Variants in DZIP3 observed in about 807,000 individuals in gnomAD.
DZIP3 encodes the protein DAZ interacting zinc finger protein 3.
Under a neutral mutation model 162.0 loss-of-function variants are expected in DZIP3, and 118 were observed. The ratio of observed to expected loss-of-function variants is 0.73; its 90% CI spans 0.63 to 0.85. The LOEUF (loss-of-function observed/expected upper bound fraction) is 0.85. Among genes scored for constraint, DZIP3 ranks in the 40% least tolerant of loss-of-function variants. The pLI, the probability that DZIP3 is intolerant of heterozygous loss-of-function variation, is 0.00. For missense variants in DZIP3, 1,331 were observed against 1,407.0 expected (o/e 0.95, Z 0.86); for synonymous variants, 438 against 458.6 (o/e 0.96, Z 0.57).
chr3:108,637,114 T>G (rs2107619030), intron 11 of DZIP3, among the ~76,000 whole-genome samples: 1 of 152,160 alleles, frequency 6.6e-6, no homozygotes, highest in East Asian at 1.9e-4. Context: ...ACCTGTTACA[T>G]AAAATGCACT....
At chr3:108,622,542 C>T (rs1941401464) in intron 5 of DZIP3, among the ~76,000 whole-genome samples, 2 of 152,106 alleles carry the variant, frequency 1.3e-5, no homozygotes, top group Non-Finnish European at 2.9e-5. Flanking sequence ...CCATCGATGT[C>T]TGGGCATTGG....
rs140068430 is a variant in DZIP3 at position 108,684,301 on chromosome 3, C to G, written c.2969C>G (p.Pro990Arg). Residue 990 changes from proline (P) to arginine (R), a missense_variant, in exon 27 of 33, where the codon CCG (proline) becomes CGG (arginine). Physicochemically the swap from Pro to Arg is moderately radical, Grantham distance 103. Coordinates refer to ENST00000361582, the MANE Select transcript of DZIP3 (RefSeq NM_014648.4). ...GTTCCTCAAATGCCTGCAGTTTGCC[C>G]GGGAGTCGTCTCTGCAACTGGCCAA... ...LTVPQMPAVC[P>R]GVVSATGQPR... 4 of 1,613,026 alleles carry G rather than the reference C, an allele frequency of 2.5e-6. No individual in the cohort carries two copies. Among genetic ancestry groups the G allele is most frequent in the South Asian group, 2.2e-5 (2 of 90,982 alleles).
chr3:108,605,235 A>T (rs1275873454), intron 1 of DZIP3, 100 bp from the exon 2 acceptor site: 9 of 825,512 alleles, frequency 1.1e-5, no homozygotes, highest in African/African-American at 1.8e-5. Context: ...CTTCTTTTAG[A>T]GCAGTTTCAG....
intron 22 of DZIP3, among the ~76,000 whole-genome samples, chr3:108,670,408 A>T (rs1943884474): frequency 6.6e-6 from 1 of 151,884 alleles, no homozygotes; most frequent in Non-Finnish European, 1.5e-5. Flanking sequence ...GCCTCTTGTG[A>T]GTAACATTTT....
In DZIP3 at chr3:108,605,318, TA is replaced by T; in HGVS notation, c.-72-16del. On this transcript the variant is annotated splice_polypyrimidine_tract_variant and intron_variant, in intron 1 of 32. Transcript: ENST00000361582. ...TGTAACTTTCCTATCTTCATAAAAA[TA>T]TTATTTTCCTTACAGCATTAAAGGG... The T allele has an allele frequency of 6.5e-7, 1 of 1,527,938 alleles. No individual in the cohort carries two copies. The highest frequency in any genetic ancestry group is 9.0e-7 in the Non-Finnish European group (1 of 1,114,012). The allele number at this position is 1,527,938 out of a possible 1,614,324, so 94.6% of individuals were successfully genotyped here.
At chr3:108,652,533 T>C (rs528658015) in intron 18 of DZIP3, among the ~76,000 whole-genome samples, 1 of 152,004 alleles carries the variant, frequency 6.6e-6, no homozygotes, top group Admixed American at 6.6e-5. Flanking sequence ...AAAATTCCTA[T>C]TGCCTAGTAG....
chr3:108,665,947 G>T (rs188315796), intron 21 of DZIP3, among the ~76,000 whole-genome samples: 1 of 152,086 alleles, frequency 6.6e-6, no homozygotes, highest in Non-Finnish European at 1.5e-5. Context: ...ATATCTTACC[G>T]TTAAAGTATG....
intron 12 of DZIP3, among the ~76,000 whole-genome samples, chr3:108,639,577 T>C (rs537815887): frequency 3.9e-5 from 6 of 152,278 alleles, no homozygotes; most frequent in Non-Finnish European, 7.4e-5. Context: ...CTCTTAGTAG[T>C]CATGGTTCCA....
chr3:108,650,673 A>T (rs1942822474), intron 17 of DZIP3, among the ~76,000 whole-genome samples: 1 of 151,484 alleles, frequency 6.6e-6, no homozygotes, highest in African/African-American at 2.4e-5. Context: ...TATCAGTCTG[A>T]CTTCTCCTTA....
chr3:108,655,549 A>C (rs1438278505), intron 19 of DZIP3, among the ~76,000 whole-genome samples: 1 of 152,164 alleles, frequency 6.6e-6, no homozygotes, highest in Non-Finnish European at 1.5e-5. Flanking sequence ...GAACAGCTCC[A>C]GTCTACAGCT....
chr3:108,685,996 A>G (rs1944484874), intron 27 of DZIP3, among the ~76,000 whole-genome samples: 1 of 152,138 alleles, frequency 6.6e-6, no homozygotes, highest in African/African-American at 2.4e-5. Flanking sequence ...ATACAGTTCT[A>G]TTTTTAAAAA....
chr3:108,591,107 C>G (rs902915156), intron 1 of DZIP3, among the ~76,000 whole-genome samples: 2 of 152,078 alleles, frequency 1.3e-5, no homozygotes, highest in Admixed American at 6.5e-5. Context: ...GGAAATGCTT[C>G]AAGGAGTTGA....
chr3:108,663,537 CAA>C (rs753105388), intron 21 of DZIP3, among the ~76,000 whole-genome samples: 20 of 126,888 alleles, frequency 1.6e-4, no homozygotes, highest in Non-Finnish European at 2.5e-4. Context: ...GTCTGGGGAA[CAA>C]GAGCAAAAGT....
At chr3:108,665,745 A>G (rs1243118239) in intron 21 of DZIP3, among the ~76,000 whole-genome samples, 3 of 152,182 alleles carry the variant, frequency 2.0e-5, no homozygotes, top group African/African-American at 7.2e-5. Flanking sequence ...GAGAACAGTA[A>G]TTTGAATGAC....
chr3:108,620,254 C>G (rs1257784185), intron 5 of DZIP3, among the ~76,000 whole-genome samples: 2 of 152,124 alleles, frequency 1.3e-5, no homozygotes, highest in African/African-American at 4.8e-5. Flanking sequence ...TTTTATTGGG[C>G]GTTGGTCATC....
Position 108,674,363 on chromosome 3 carries a change from CTTG to C in DZIP3, c.2693+194_2693+196del, listed in dbSNP as rs371454301. ...CCTGAAATTCCTTTTACCAGAAGCT[CTTG>C]TTGTTGTTGTTTTTGTTGTTGTTGT... is the stretch of plus-strand genomic sequence containing the variant. On this transcript the variant is annotated intron_variant, in intron 24 of 32. Coordinates refer to ENST00000361582, the MANE Select transcript of DZIP3 (RefSeq NM_014648.4). 3.7e-4 allele frequency among the ~76,000 whole-genome samples: 56 copies of C among 151,330 alleles called. No homozygotes were observed. In the East Asian group the frequency reaches 6.0e-3, roughly 16 times the overall value.
intron 19 of DZIP3, among the ~76,000 whole-genome samples, chr3:108,657,119 A>C (rs1283698309): frequency 1.3e-5 from 2 of 152,188 alleles, no homozygotes; most frequent in Non-Finnish European, 2.9e-5. Context: ...TTGTATTCAA[A>C]CTTAGGAAAT....
In DZIP3 at chr3:108,654,201, C is replaced by T. The variant is rs763488157; in HGVS notation, c.2090C>T (p.Ser697Leu). The change falls in exon 19 of 33, where the codon TCA becomes TTA. Residue 697 changes from serine (S) to leucine (L), a missense_variant. Around this residue, in one of 2 missense-constraint regions of DZIP3, gnomAD observed 1,278 missense variants for 1,317.1 expected, o/e 0.97. Transcript: ENST00000361582. ...AGGAAAGAACAAGCAAATCCACACT[C>T]AGTCAGTAGACTTATAAAAGATGAT... ...QLRKEQANPH[S>L]VSRLIKDDAS... 2 of 1,613,712 alleles carry T rather than the reference C, an allele frequency of 1.2e-6. No individual in the cohort carries two copies. Among genetic ancestry groups the T allele is most frequent in the Non-Finnish European group, 1.7e-6 (2 of 1,179,712 alleles).
rs751098052 is a variant in DZIP3 at position 108,629,181 on chromosome 3, G to A, written c.696+5G>A. On this transcript the variant is annotated splice_donor_5th_base_variant and intron_variant, in intron 8 of 32. Transcript: ENST00000361582. ...GATTTACCTACAACTTTTAAAGTAAGAAATTATTTAAGAGTAACATTTTAT... is the reference window on the plus strand; with the variant it reads ...GATTTACCTACAACTTTTAAAGTAAAAAATTATTTAAGAGTAACATTTTAT... 1.3e-6 allele frequency: 2 copies of A among 1,523,316 alleles called. No individual in the cohort carries two copies. The highest frequency in any genetic ancestry group is 8.9e-7 in the Non-Finnish European group (1 of 1,122,942). 94.4% of individuals were successfully genotyped at this position (1,523,316 alleles called of 1,614,324 possible).
Sources: allele counts gnomAD v4.1 joint callset (sites outside exome capture counted in the v4.1 genomes callset), GRCh38; gene constraint gnomAD v4.1.1; regional missense constraint gnomAD v4.1.1; transcripts MANE v1.5; gene names NCBI Gene and HGNC (gene_info 2026-07-23, HGNC 2026-07-21).